Variants in DLG2 observed in about 807,000 individuals in gnomAD.
DLG2 encodes discs large MAGUK scaffold protein 2.
Under a neutral mutation model 132.5 loss-of-function variants are expected in DLG2, and 45 were observed. That is an observed-to-expected ratio of 0.34 (90% CI 0.27 to 0.44). The LOEUF is 0.44. DLG2 is among the 20% of genes least tolerant of loss of function. The probability of loss-of-function intolerance (pLI) is 1.00; values close to 1 mark genes in which losing one functional copy is unlikely to be tolerated. For synonymous variants in DLG2, 424 were observed against 419.6 expected (o/e 1.01, Z -0.13); for missense variants, 1,045 against 1,196.9 (o/e 0.87, Z 1.87).
At chr11:84,313,660 A>AGAAAGAAAGAAAGAAC (rs1229350500) in intron 7 of DLG2, among the ~76,000 whole-genome samples, 2 of 151,136 alleles carry the variant, frequency 1.3e-5, no homozygotes, top group African/African-American at 4.9e-5. Flanking sequence ...AAAGAAAGAA[A>AGAAAGAAAGAAAGAAC]GAAAGAAAGA....
At chr11:84,977,977 C>T (rs1290874872) in intron 6 of DLG2, among the ~76,000 whole-genome samples, 1 of 152,054 alleles carries the variant, frequency 6.6e-6, no homozygotes, top group Non-Finnish European at 1.5e-5. Context: ...TTGAGTCTGG[C>T]CTTGAGGAGA....
chr11:84,645,761 C>A (rs1343548612), intron 6 of DLG2, among the ~76,000 whole-genome samples: 1 of 152,210 alleles, frequency 6.6e-6, no homozygotes, highest in Non-Finnish European at 1.5e-5. Flanking sequence ...GCCACCGCGC[C>A]AGGCCCATAG....
At chr11:83,946,595 A>G (rs1478055002) in intron 14 of DLG2, among the ~76,000 whole-genome samples, 1 of 152,212 alleles carries the variant, frequency 6.6e-6, no homozygotes, top group Non-Finnish European at 1.5e-5. Context: ...TCGGTACTAT[A>G]GAATACAAAT....
At chr11:83,671,393 T>C (rs1158704596) in intron 18 of DLG2, among the ~76,000 whole-genome samples, 1 of 152,218 alleles carries the variant, frequency 6.6e-6, no homozygotes, top group Non-Finnish European at 1.5e-5. Flanking sequence ...TATCGATTCA[T>C]TTATCTTTTC....
In DLG2 at chr11:84,323,453, T is replaced by A. The variant is rs182616978; in HGVS notation, c.520-72162A>T. On this transcript the variant is annotated intron_variant, in intron 7 of 27. Coordinates refer to ENST00000376104, the MANE Select transcript of DLG2 (RefSeq NM_001142699.3). Reference sequence around the variant, plus strand: ...TATCCATTCATTCATCAATGGACATTTAGGTTGTTTCTACCTCTTGGCTAT... The same window carrying A: ...TATCCATTCATTCATCAATGGACATATAGGTTGTTTCTACCTCTTGGCTAT... Among the ~76,000 whole-genome samples the A allele has an allele frequency of 1.4e-3, 213 of 152,298 alleles. 1 individual carries two copies. Among genetic ancestry groups the A allele is most frequent in the Admixed American group, 2.3e-3 (35 of 15,300 alleles).
chr11:84,242,252 T>C (rs371290572), intron 8 of DLG2, among the ~76,000 whole-genome samples: 1 of 152,070 alleles, frequency 6.6e-6, no homozygotes, highest in African/African-American at 2.4e-5. Context: ...AAGCTATGAG[T>C]ACAGTAGTCA....
intron 6 of DLG2, among the ~76,000 whole-genome samples, chr11:84,727,245 T>C (rs551317361): frequency 7.9e-5 from 12 of 152,328 alleles, no homozygotes; most frequent in South Asian, 4.1e-4. Flanking sequence ...ATTTAAGTCT[T>C]TGACCCATCT....
At chr11:84,174,464 G>A (rs560870841) in intron 8 of DLG2, among the ~76,000 whole-genome samples, 2 of 152,148 alleles carry the variant, frequency 1.3e-5, no homozygotes, top group East Asian at 1.9e-4. Flanking sequence ...CTTCAAAAAC[G>A]TTTTCTAGCC....
At chr11:83,649,116 A>G (rs2069209307) in intron 18 of DLG2, among the ~76,000 whole-genome samples, 1 of 152,134 alleles carries the variant, frequency 6.6e-6, no homozygotes, top group Non-Finnish European at 1.5e-5. Flanking sequence ...GCTCAATAGA[A>G]GTAGGGCTGA....
chr11:84,537,859 G>A (rs1418336673), intron 6 of DLG2, among the ~76,000 whole-genome samples: 3 of 152,182 alleles, frequency 2.0e-5, no homozygotes, highest in Admixed American at 6.5e-5. Context: ...ACTTGCTTAA[G>A]CCACAATACT....
At chr11:83,709,330 T>TG (rs1400344563) in intron 18 of DLG2, among the ~76,000 whole-genome samples, 6 of 148,014 alleles carry the variant, frequency 4.1e-5, no homozygotes, top group South Asian at 2.1e-4. Flanking sequence ...GTTATATATA[T>TG]TATATATACA....
chr11:84,470,394 A>T (rs1472800401), intron 7 of DLG2, among the ~76,000 whole-genome samples: 2 of 151,742 alleles, frequency 1.3e-5, no homozygotes, highest in Non-Finnish European at 3.0e-5. Context: ...CATGTTAGGT[A>T]CTAAAGATCT....
At position 84,990,776 on chromosome 11, in the gene DLG2, A is replaced by G. The variant is rs563053889; in HGVS notation, c.357+120885T>C. Among the ~76,000 whole-genome samples the G allele has an allele frequency of 9.9e-5, 15 of 152,186 alleles. No individual in the cohort carries two copies. In the East Asian group the frequency reaches 2.9e-3, roughly 29 times the overall value. ...AATGAGAATCTAAAAAGAAAACTGG[A>G]AAGTTCCATGAAGAACTAAAGTTTT... On this transcript the variant is annotated intron_variant, in intron 6 of 27. Coordinates refer to ENST00000376104, the MANE Select transcript of DLG2 (RefSeq NM_001142699.3).
intron 19 of DLG2, among the ~76,000 whole-genome samples, chr11:83,552,162 G>A (rs1593020265): frequency 6.6e-6 from 1 of 152,178 alleles, no homozygotes; most frequent in African/African-American, 2.4e-5. Flanking sequence ...TGATAGGTTA[G>A]GAGTTGATTG....
chr11:85,000,008 C>G (rs2058056580), intron 6 of DLG2, among the ~76,000 whole-genome samples: 1 of 72,730 alleles, frequency 1.4e-5, no homozygotes, highest in South Asian at 4.0e-4. Context: ...TATTTCAGAT[C>G]TTCCCTTCAG....
intron 11 of DLG2, among the ~76,000 whole-genome samples, chr11:84,048,117 G>A (rs1245518301): frequency 1.3e-5 from 2 of 151,296 alleles, no homozygotes; most frequent in African/African-American, 4.8e-5. Context: ...CTGGGAACAA[G>A]GTGAATTTAT....
intron 3 of DLG2, among the ~76,000 whole-genome samples, chr11:85,480,588 A>G (rs144639012): frequency 1.5e-4 from 23 of 152,360 alleles, no homozygotes; most frequent in African/African-American, 4.8e-4. Flanking sequence ...ATGAGAGCAT[A>G]TGCACACTTA....
intron 6 of DLG2, among the ~76,000 whole-genome samples, chr11:84,780,525 G>C (rs1423569969): frequency 6.6e-6 from 1 of 152,038 alleles, no homozygotes; most frequent in Non-Finnish European, 1.5e-5. Context: ...AACTTTATAA[G>C]AAACTGCCAA....
chr11:83,908,189 C>T (rs1229186448), intron 15 of DLG2, among the ~76,000 whole-genome samples: 1 of 152,178 alleles, frequency 6.6e-6, no homozygotes, highest in African/African-American at 2.4e-5. Context: ...TATCCGTATA[C>T]TTATTGCCAT....
Sources: allele counts gnomAD v4.1 joint callset (sites outside exome capture counted in the v4.1 genomes callset), GRCh38; gene constraint gnomAD v4.1.1; transcripts MANE v1.5; gene names NCBI Gene and HGNC (gene_info 2026-07-23, HGNC 2026-07-21).